DPYSL3: variants seen among roughly 807,000 people sequenced by gnomAD.
DPYSL3 encodes the protein dihydropyrimidinase like 3, also known as dihydropyrimidinase-related protein 3.
Under a neutral mutation model 66.1 loss-of-function variants are expected in DPYSL3, and 16 were observed. That is an observed-to-expected ratio of 0.24 (90% CI 0.16 to 0.37). The LOEUF (loss-of-function observed/expected upper bound fraction) is 0.37, where lower values mean the gene tolerates loss of function less well. DPYSL3 is among the 10% of genes least tolerant of loss of function. DPYSL3 has a pLI of 1.00. For synonymous variants in DPYSL3, 338 were observed against 345.1 expected (o/e 0.98, Z 0.23); for missense variants, 738 against 916.2 (o/e 0.81, Z 2.51).
chr5:147,458,315 T>C (rs1367332127), intron 1 of DPYSL3, among the ~76,000 whole-genome samples: 1 of 152,194 alleles, frequency 6.6e-6, no homozygotes, highest in East Asian at 1.9e-4. Flanking sequence ...TTGGTCGTCC[T>C]CACTGCTACA....
At chr5:147,475,704 A>G (rs1410029613) in intron 1 of DPYSL3, among the ~76,000 whole-genome samples, 3 of 152,196 alleles carry the variant, frequency 2.0e-5, no homozygotes, top group South Asian at 4.1e-4. Flanking sequence ...TGCAAAGATC[A>G]AAGTAATTAC....
intron 1 of DPYSL3, among the ~76,000 whole-genome samples, chr5:147,497,157 A>T (rs1392513388): frequency 6.6e-6 from 1 of 151,290 alleles, no homozygotes; most frequent in Non-Finnish European, 1.5e-5. Context: ...AGGACAAAAA[A>T]CCAAACACTG....
chr5:147,432,661 A>G (rs1472069410), intron 1 of DPYSL3, among the ~76,000 whole-genome samples: 1 of 152,230 alleles, frequency 6.6e-6, no homozygotes, highest in African/African-American at 2.4e-5. Flanking sequence ...TTCCATTCTC[A>G]ACGAGAAAGG....
At chr5:147,418,711 T>C in intron 2 of DPYSL3, 80 bp from the exon 3 acceptor site, 1 of 1,289,278 alleles carries the variant, frequency 7.8e-7, no homozygotes, top group Non-Finnish European at 1.1e-6. Context: ...TATAGTGGTA[T>C]AAGGATTTTA....
intron 6 of DPYSL3, 46 bp downstream of exon 6, chr5:147,412,562 T>C (rs910087670): frequency 1.0e-5 from 16 of 1,560,830 alleles, no homozygotes; most frequent in Non-Finnish European, 1.3e-5. Flanking sequence ...AAGAAGAAAA[T>C]GGAATGCAGA....
At chr5:147,405,516 A>G in intron 8 of DPYSL3, 94 bp downstream of exon 8, 12 of 1,463,024 alleles carry the variant, frequency 8.2e-6, no homozygotes, top group Non-Finnish European at 1.0e-5. Context: ...GCAATGAGCA[A>G]AGTAGGCACC....
At chr5:147,421,225 C>T (rs1216172323) in intron 2 of DPYSL3, among the ~76,000 whole-genome samples, 3 of 152,222 alleles carry the variant, frequency 2.0e-5, no homozygotes, top group Admixed American at 6.5e-5. Flanking sequence ...CAGTAATGGA[C>T]AAATAGAGAG....
chr5:147,403,278 A>G (rs1256328163), intron 8 of DPYSL3, among the ~76,000 whole-genome samples: 1 of 152,220 alleles, frequency 6.6e-6, no homozygotes, highest in African/African-American at 2.4e-5. Context: ...CTTACACACT[A>G]AAGGATACAG....
At chr5:147,454,900 C>A (rs1752817268) in intron 1 of DPYSL3, among the ~76,000 whole-genome samples, 1 of 152,130 alleles carries the variant, frequency 6.6e-6, no homozygotes, top group Non-Finnish European at 1.5e-5. Flanking sequence ...GGGAGCTCCT[C>A]AACTCTCACG....
At chr5:147,448,741 A>G (rs1033544245) in intron 1 of DPYSL3, among the ~76,000 whole-genome samples, 4 of 152,186 alleles carry the variant, frequency 2.6e-5, no homozygotes, top group African/African-American at 9.7e-5. Context: ...ATTCCTCCCA[A>G]TGCCCAGCTG....
chr5:147,406,960 C>A (rs1758339543), intron 7 of DPYSL3, among the ~76,000 whole-genome samples: 2 of 152,090 alleles, frequency 1.3e-5, no homozygotes, highest in Admixed American at 6.5e-5. Flanking sequence ...GTGGATGGGA[C>A]CTTGGAGGCC....
chr5:147,461,944 A>T (rs1345415320), intron 1 of DPYSL3, among the ~76,000 whole-genome samples: 1 of 152,108 alleles, frequency 6.6e-6, no homozygotes, highest in Non-Finnish European at 1.5e-5. Context: ...CCCCTACCCC[A>T]CCAAAGATAG....
intron 1 of DPYSL3, among the ~76,000 whole-genome samples, chr5:147,450,952 T>A (rs1019535940): frequency 6.6e-6 from 1 of 152,208 alleles, no homozygotes; most frequent in Non-Finnish European, 1.5e-5. Flanking sequence ...AGGGGGTATA[T>A]GTTATACTTA....
chr5:147,462,279 T>A (rs1249949748), intron 1 of DPYSL3, among the ~76,000 whole-genome samples: 2 of 152,124 alleles, frequency 1.3e-5, no homozygotes, highest in South Asian at 2.1e-4. Context: ...ACATGAACAA[T>A]CTTGACTTAA....
At chr5:147,508,113 AG>A (rs560191771) in intron 1 of DPYSL3, among the ~76,000 whole-genome samples, 4 of 152,350 alleles carry the variant, frequency 2.6e-5, no homozygotes, top group African/African-American at 9.6e-5. Flanking sequence ...GCAAGGGCTT[AG>A]GGGAATCACG....
At chr5:147,468,128 A>T (rs1266863264) in intron 1 of DPYSL3, among the ~76,000 whole-genome samples, 1 of 152,236 alleles carries the variant, frequency 6.6e-6, no homozygotes, top group African/African-American at 2.4e-5. Context: ...TTTATAATGC[A>T]TAAAAAGGTG....
At chr5:147,439,392 A>G (rs1313616007) in intron 1 of DPYSL3, among the ~76,000 whole-genome samples, 1 of 151,598 alleles carries the variant, frequency 6.6e-6, no homozygotes, top group Non-Finnish European at 1.5e-5. Flanking sequence ...AAAAAAAACA[A>G]CAAGTACAGA....
At chr5:147,489,619 A>C (rs1439933255) in intron 1 of DPYSL3, among the ~76,000 whole-genome samples, 1 of 152,236 alleles carries the variant, frequency 6.6e-6, no homozygotes, top group African/African-American at 2.4e-5. Context: ...TTGTGCCTCA[A>C]ACTCAGAGAA....
chr5:147,395,027 A>T (rs533387009), intron 13 of DPYSL3, among the ~76,000 whole-genome samples: 30 of 152,232 alleles, frequency 2.0e-4, no homozygotes, highest in Non-Finnish European at 3.8e-4. Context: ...GTTCGTAAAG[A>T]ATAGGTAAGA....
Sources: allele counts gnomAD v4.1 joint callset (sites outside exome capture counted in the v4.1 genomes callset), GRCh38; gene constraint gnomAD v4.1.1; transcripts MANE v1.5; gene names NCBI Gene and HGNC (gene_info 2026-07-23, HGNC 2026-07-21).